The following ARL6IP4 variants were observed in gnomAD, a reference collection of about 807,000 sequenced individuals.
ARL6IP4 encodes the protein ARF like GTPase 6 interacting protein 4.
ARL6IP4 carries 24 observed loss-of-function variants against 28.1 expected under a neutral mutation model. That is an observed-to-expected ratio of 0.86 (90% CI 0.62 to 1.20). The LOEUF (loss-of-function observed/expected upper bound fraction) is 1.20, where lower values mean the gene tolerates loss of function less well. ARL6IP4 is among the 50% of genes most tolerant of loss of function. The pLI, the probability that ARL6IP4 is intolerant of heterozygous loss-of-function variation, is 0.00. For missense variants in ARL6IP4, 343 were observed against 302.4 expected (o/e 1.13, Z -1.00); for synonymous variants, 162 against 122.3 (o/e 1.32, Z -2.14).
At position 122,981,116 on chromosome 12, in the gene ARL6IP4, T is replaced by C; in HGVS notation, c.-11-13T>C. On this transcript the variant is annotated splice_polypyrimidine_tract_variant and intron_variant, in intron 1 of 5. Coordinates refer to ENST00000315580, the MANE Select transcript of ARL6IP4 (RefSeq NM_018694.4). ...TGGGGGCTTCGGCTCAAGCGCGTCT[T>C]CTTCGTCGCCAGCCCGCGGCGCCAT... is the stretch of plus-strand genomic sequence containing the variant. 1 of 1,546,374 alleles carries C rather than the reference T, an allele frequency of 6.5e-7. No individual in the cohort carries two copies. The highest frequency in any genetic ancestry group is 8.7e-7 in the Non-Finnish European group (1 of 1,145,306).
intron 1 of ARL6IP4, 170 bp downstream of exon 1, chr12:122,980,915 G>C: frequency 1.5e-6 from 2 of 1,358,978 alleles, no homozygotes; most frequent in Non-Finnish European, 1.9e-6. Flanking sequence ...CTCCGGGCAC[G>C]GGGCGGGCCC....
upstream of ARL6IP4, chr12:122,980,335 T>G (rs2037584636): frequency 9.2e-6 from 12 of 1,304,090 alleles, no homozygotes; most frequent in Non-Finnish European, 1.2e-5. Flanking sequence ...TCTGAGTCAC[T>G]GGGTGGGCGC....
At position 122,981,311 on chromosome 12, in the gene ARL6IP4, A is replaced by G; in HGVS notation, c.160+12A>G. 6.5e-7 allele frequency: 1 copy of G among 1,540,456 alleles called. No homozygotes were observed. Among genetic ancestry groups the G allele is most frequent in the Non-Finnish European group, 8.8e-7 (1 of 1,141,390 alleles). On this transcript the variant is annotated intron_variant, in intron 2 of 5. Coordinates refer to ENST00000315580, the MANE Select transcript of ARL6IP4 (RefSeq NM_018694.4). ...CCCTGGGGCGGAGGGTGAGGACCAC[A>G]GGCATCGGGGAGAGGAGGCGCAGTT...
chr12:122,982,185 C>A, intron 4 of ARL6IP4, 111 bp downstream of exon 4: 3 of 1,196,636 alleles, frequency 2.5e-6, no homozygotes, highest in South Asian at 1.2e-5. Context: ...TGAAAAAGGC[C>A]AAATGTGGGC....
At chr12:122,980,426 G>C, upstream of ARL6IP4, 1 of 1,362,310 alleles carries the variant, frequency 7.3e-7, no homozygotes, top group Non-Finnish European at 9.5e-7. Flanking sequence ...AGGGCGGCGC[G>C]CGCGAGGGTC....
chr12:122,980,959 G>C (rs940450054), intron 1 of ARL6IP4, 170 bp from the exon 2 acceptor site: 13 of 1,385,166 alleles, frequency 9.4e-6, no homozygotes, highest in Non-Finnish European at 1.1e-5. Flanking sequence ...TGGAGTCGGC[G>C]GAGAAAACCG....
In ARL6IP4 at chr12:122,982,525, G is replaced by A. The variant is rs776526583; in HGVS notation, c.644G>A (p.Arg215Lys). 2.5e-6 allele frequency: 4 copies of A among 1,614,140 alleles called. No homozygotes were observed. In the South Asian group the frequency reaches 3.3e-5, roughly 13 times the overall value. Residue 215 changes from arginine to lysine, a missense_variant, in exon 5 of 6, where the codon AGA becomes AAA. Transcript: ENST00000315580. ...LEEIVTKERH[R>K]EINKQATRGD... is the part of the protein sequence containing the mutation. The stretch of plus-strand genomic sequence containing the variant: ...GAAATCGTAACCAAAGAACGACACA[G>A]AGAGATCAACAAGGTGGGTGTGGCC...
At chr12:122,980,487 AG>A, upstream of ARL6IP4, 1 of 1,361,392 alleles carries the variant, frequency 7.3e-7, no homozygotes, top group Non-Finnish European at 9.5e-7. Flanking sequence ...GTGCGCCGAG[AG>A]GGCAGCCTTG....
At chr12:122,980,335 TG>T (rs2037584880), upstream of ARL6IP4, 1 of 1,304,088 alleles carries the variant, frequency 7.7e-7, no homozygotes, top group Admixed American at 3.1e-5. Context: ...TCTGAGTCAC[TG>T]GGTGGGCGCG....
At position 122,982,119 on chromosome 12, in the gene ARL6IP4, T is replaced by C. The variant is rs369853831; in HGVS notation, c.587+45T>C. On this transcript the variant is annotated intron_variant, in intron 4 of 5. Coordinates refer to ENST00000315580, the MANE Select transcript of ARL6IP4 (RefSeq NM_018694.4). ...ACTTACACCACAGGATCTGGGAGTG[T>C]TGGCTGAAGATGTGTGCTCTCGGGA... 1,237 of 1,597,052 alleles carry C rather than the reference T, an allele frequency of 7.7e-4. 2 individuals carry two copies. Among genetic ancestry groups the C allele is most frequent in the Middle Eastern group, 2.5e-3 (15 of 6,042 alleles).
In ARL6IP4 at chr12:122,981,629, A is replaced by G; in HGVS notation, c.219A>G (p.Arg73=). 1 of 1,561,772 alleles carries G rather than the reference A, an allele frequency of 6.4e-7. No homozygotes were observed. The highest frequency in any genetic ancestry group is 8.7e-7 in the Non-Finnish European group (1 of 1,154,370). Reference sequence around the variant, plus strand: ...AGCAGAAGGCCCGGAGGAGAACAAGATCCAGCTCCTCCTCCTCTTCTTCCA... The same window carrying G: ...AGCAGAAGGCCCGGAGGAGAACAAGGTCCAGCTCCTCCTCCTCTTCTTCCA... The part of the protein sequence containing the change: ...RSKQKARRRT[R]SSSSSSSSSS... The change falls in exon 3 of 6, where the codon AGA becomes AGG. Residue 73 remains arginine (R), a synonymous_variant. Transcript: ENST00000315580.
Position 122,981,446 on chromosome 12 carries a change from C to T in ARL6IP4, c.161-125C>T, listed in dbSNP as rs893055746. 4.3e-6 allele frequency: 6 copies of T among 1,387,490 alleles called. No individual in the cohort carries two copies. In the South Asian group the frequency reaches 6.1e-5, roughly 14 times the overall value. The allele number at this position is 1,387,490 out of a possible 1,614,324, so 85.9% of individuals were successfully genotyped here. On this transcript the variant is annotated intron_variant, in intron 2 of 5. Transcript: ENST00000315580. ...CGCCGCAGGAGCCAGGAAGGGGCTCCTCTGGGAAGCTCCATCTCTGTTCTG... is the reference window on the plus strand; with the variant it reads ...CGCCGCAGGAGCCAGGAAGGGGCTCTTCTGGGAAGCTCCATCTCTGTTCTG...
At chr12:122,980,555 G>A (rs535334086), upstream of ARL6IP4, 1 of 1,353,640 alleles carries the variant, frequency 7.4e-7, no homozygotes, top group Admixed American at 3.6e-5. Context: ...CTCGAGGGCC[G>A]GCGCCCCTGC....
intron 4 of ARL6IP4, 194 bp downstream of exon 4, chr12:122,982,268 T>A: frequency 1.2e-6 from 1 of 800,410 alleles, no homozygotes; most frequent in Non-Finnish European, 2.0e-6. Context: ...AAAGGGCTGT[T>A]GTTGGCCGGG....
intron 4 of ARL6IP4, 63 bp downstream of exon 4, chr12:122,982,137 T>G (rs1352712247): frequency 6.4e-7 from 1 of 1,569,340 alleles, no homozygotes; most frequent in Non-Finnish European, 8.8e-7. Context: ...AGATGTGTGC[T>G]CTCGGGAGGA....
intron 2 of ARL6IP4, 28 bp downstream of exon 2, chr12:122,981,327 A>G (rs1450032354): frequency 6.5e-7 from 1 of 1,528,510 alleles, no homozygotes; most frequent in Admixed American, 2.1e-5. Flanking sequence ...CGGGGAGAGG[A>G]GGCGCAGTTA....
At chr12:122,982,302 A>G in intron 4 of ARL6IP4, 167 bp from the exon 5 acceptor site, 1 of 830,730 alleles carries the variant, frequency 1.2e-6, no homozygotes, top group Non-Finnish European at 1.9e-6. Context: ...GGCAGAGCCC[A>G]GCTCCACTGC....
chr12:122,981,950 C>T lies in ARL6IP4; in HGVS notation c.470-7C>T, dbSNP rs762852429. Reference sequence around the variant, plus strand: ...GGCCTGGCCACCACCTCCGTCTTCCCTTCCAGTCCTGACGGATGAGCAGAA... The same window carrying T: ...GGCCTGGCCACCACCTCCGTCTTCCTTTCCAGTCCTGACGGATGAGCAGAA... On this transcript the variant is annotated splice_polypyrimidine_tract_variant and splice_region_variant and intron_variant, in intron 3 of 5. Transcript: ENST00000315580. The T allele has an allele frequency of 1.9e-6, 3 of 1,613,600 alleles. No homozygotes were observed. The highest frequency in any genetic ancestry group is 1.3e-5 in the African/African-American group (1 of 74,902).
chr12:122,982,500 G>A lies in ARL6IP4; in HGVS notation c.619G>A (p.Glu207Lys), dbSNP rs753574279. The change falls in exon 5 of 6, where the codon GAA becomes AAA. Residue 207 changes from glutamate (E) to lysine (K), a missense_variant. Physicochemically the swap from Glu to Lys is moderately conservative, Grantham distance 56. Coordinates refer to ENST00000315580, the MANE Select transcript of ARL6IP4 (RefSeq NM_018694.4). Reference protein sequence around the residue: ...LIKGDGEVLEEIVTKERHREI... With the variant: ...LIKGDGEVLEKIVTKERHREI... ...TAAGGGAGATGGCGAGGTCCTAGAG[G>A]AAATCGTAACCAAAGAACGACACAG... 9 of 1,614,022 alleles carry A rather than the reference G, an allele frequency of 5.6e-6. No homozygotes were observed. The highest frequency in any genetic ancestry group is 6.8e-6 in the Non-Finnish European group (8 of 1,180,008).
Sources: gnomAD v4.1 joint callset for allele counts on GRCh38, gnomAD v4.1.1 for gene constraint, MANE v1.5 for transcripts, NCBI Gene and HGNC (gene_info 2026-07-23, HGNC 2026-07-21) for gene names.